Variants in SBF2 observed in about 807,000 individuals in gnomAD.
The protein encoded by SBF2 is SET binding factor 2, also known as myotubularin-related protein 13.
SBF2 carries 112 observed loss-of-function variants against 225.2 expected under a neutral mutation model. That is an observed-to-expected ratio of 0.50 (90% CI 0.43 to 0.58). The LOEUF (loss-of-function observed/expected upper bound fraction) is 0.58, where lower values mean the gene tolerates loss of function less well. Among genes scored for constraint, SBF2 ranks in the 20% least tolerant of loss-of-function variants. SBF2 has a pLI of 0.00. For synonymous variants in SBF2, 763 were observed against 773.3 expected (o/e 0.99, Z 0.22); for missense variants, 1,996 against 2,206.2 (o/e 0.90, Z 1.91).
chr11:10,014,391 A>T (rs1298658679), intron 6 of SBF2, among the ~76,000 whole-genome samples: 1 of 150,214 alleles, frequency 6.7e-6, no homozygotes, highest in Admixed American at 6.7e-5. Flanking sequence ...TCATATTTGT[A>T]TGTTCCTTCT....
In SBF2 at chr11:10,026,175, C is replaced by A. The variant is rs185459278; in HGVS notation, c.619+2277G>T. ...GTTACAACCTCCTCCTCTCCTCCCC[C>A]CTCACAACTCATGGTAAAACTAAGA... On this transcript the variant is annotated intron_variant, in intron 6 of 39. Transcript: ENST00000256190. 4.6e-5 allele frequency among the ~76,000 whole-genome samples: 7 copies of A among 152,166 alleles called. No individual in the cohort carries two copies. The South Asian group carries it at 1.2e-3, about 27-fold the overall frequency.
At chr11:10,171,945 G>A (rs1183094231) in intron 2 of SBF2, among the ~76,000 whole-genome samples, 2 of 152,240 alleles carry the variant, frequency 1.3e-5, no homozygotes, top group African/African-American at 4.8e-5. Flanking sequence ...GTTGGTCACA[G>A]TAGCCACTAA....
chr11:9,795,747 TG>T, intron 33 of SBF2, 83 bp downstream of exon 33: 1 of 1,498,682 alleles, frequency 6.7e-7, no homozygotes, highest in East Asian at 2.3e-5. Context: ...TTGTCAGTCT[TG>T]GGGATAGTTA....
intron 3 of SBF2, among the ~76,000 whole-genome samples, chr11:10,038,739 T>C (rs537815900): frequency 6.6e-6 from 1 of 151,940 alleles, no homozygotes; most frequent in East Asian, 1.9e-4. Context: ...CCTCTCTCTT[T>C]CTTTGATGAC....
At chr11:10,019,688 CT>C (rs1483954187) in intron 6 of SBF2, among the ~76,000 whole-genome samples, 1 of 151,346 alleles carries the variant, frequency 6.6e-6, no homozygotes, top group Non-Finnish European at 1.5e-5. Context: ...ATTTTTTCCC[CT>C]TATAAGTGAG....
chr11:10,029,780 C>T lies in SBF2; in HGVS notation c.498G>A (p.Ala166=), dbSNP rs1949187271. 13 of 1,611,986 alleles carry T rather than the reference C, an allele frequency of 8.1e-6. No homozygotes were observed. Among genetic ancestry groups the T allele is most frequent in the South Asian group, 5.5e-5 (5 of 91,042 alleles). ...TTCTATTTACCTGAGACCCTCCAGC[C>T]GCTGGGACAAGGCAGGCACAAAGGT... The part of the protein sequence containing the change: ...IANLCACLVP[A]AGGSQKLFSL... The change falls in exon 5 of 40, where the codon GCG becomes GCA. Residue 166 remains alanine (A), a synonymous_variant. Coordinates refer to ENST00000256190, the MANE Select transcript of SBF2 (RefSeq NM_030962.4).
chr11:10,000,919 C>A lies in SBF2; in HGVS notation c.856G>T (p.Glu286Ter). ...CTTTAAAGATGAATACTTACAAGTT[C>A]ATGGACATCAGTTTTAAAGACAGAA... Reference protein sequence around the residue: ...VHSVFKTDVHELLDVIIADLD... With the variant: ...VHSVFKTDVH The change falls in exon 8 of 40, where the codon GAA (glutamate) becomes TAA (stop). Residue 286 changes from glutamate to a stop codon, truncating the protein, a stop_gained. Transcript: ENST00000256190. LOFTEE classifies it high-confidence loss of function. The A allele has an allele frequency of 1.3e-6, 2 of 1,538,954 alleles. No individual in the cohort carries two copies. Among genetic ancestry groups the A allele is most frequent in the South Asian group, 2.2e-5 (2 of 89,522 alleles).
chr11:10,277,770 G>GTT (rs755714627), intron 1 of SBF2, among the ~76,000 whole-genome samples: 1 of 152,176 alleles, frequency 6.6e-6, no homozygotes, highest in Non-Finnish European at 1.5e-5. Context: ...AGAGATCAGA[G>GTT]TTATGCTACC....
intron 2 of SBF2, among the ~76,000 whole-genome samples, chr11:10,061,152 TC>T (rs1334912763): frequency 6.6e-6 from 1 of 152,040 alleles, no homozygotes; most frequent in Non-Finnish European, 1.5e-5. Flanking sequence ...AAATTAAATA[TC>T]CCTTCACGTT....
chr11:9,874,030 G>C (rs1293172312), intron 17 of SBF2, among the ~76,000 whole-genome samples: 3 of 148,302 alleles, frequency 2.0e-5, no homozygotes, highest in African/African-American at 7.5e-5. Context: ...CTACACTCCA[G>C]TCTGGGAGAC....
chr11:10,004,515 G>T (rs563968308), intron 6 of SBF2, among the ~76,000 whole-genome samples: 1 of 144,892 alleles, frequency 6.9e-6, no homozygotes, highest in South Asian at 2.2e-4. Context: ...AGTCAAGCTA[G>T]GAACTGCACC....
At chr11:10,077,429 A>T (rs935551540) in intron 2 of SBF2, among the ~76,000 whole-genome samples, 4 of 152,278 alleles carry the variant, frequency 2.6e-5, no homozygotes, top group Middle Eastern at 3.4e-3. Context: ...TAACCAAAAT[A>T]ATATGGTACT....
intron 1 of SBF2, among the ~76,000 whole-genome samples, chr11:10,246,260 A>C (rs1959780046): frequency 6.6e-6 from 1 of 152,146 alleles, no homozygotes. Context: ...TATACATTAA[A>C]TATGCACAGG....
intron 27 of SBF2, among the ~76,000 whole-genome samples, chr11:9,830,731 C>T (rs1249574532): frequency 7.1e-6 from 1 of 141,682 alleles, no homozygotes. Flanking sequence ...CAGAGCAAGA[C>T]TCCAGCTCAA....
intron 1 of SBF2, among the ~76,000 whole-genome samples, chr11:10,200,098 C>T (rs768562379): frequency 6.6e-6 from 1 of 152,044 alleles, no homozygotes; most frequent in African/African-American, 2.4e-5. Context: ...TGTGACCTAT[C>T]ATGGGAGGTT....
At chr11:10,175,656 G>A (rs1030316197) in intron 2 of SBF2, among the ~76,000 whole-genome samples, 11 of 150,362 alleles carry the variant, frequency 7.3e-5, no homozygotes, top group South Asian at 2.1e-4. Flanking sequence ...TCTGCACCAA[G>A]CGGACCTAAC....
At chr11:9,940,750 T>C (rs1865205707) in intron 16 of SBF2, among the ~76,000 whole-genome samples, 1 of 152,072 alleles carries the variant, frequency 6.6e-6, no homozygotes, top group Non-Finnish European at 1.5e-5. Context: ...TCAGAAAATT[T>C]GGGAACCTCT....
At chr11:9,784,990 C>CA in intron 37 of SBF2, 135 bp downstream of exon 37, 1 of 831,088 alleles carries the variant, frequency 1.2e-6, no homozygotes, top group Non-Finnish European at 2.0e-6. Flanking sequence ...TAAAACATTA[C>CA]AAAAATTAAA....
At chr11:10,141,933 A>T (rs1954666921) in intron 2 of SBF2, among the ~76,000 whole-genome samples, 1 of 152,186 alleles carries the variant, frequency 6.6e-6, no homozygotes, top group Non-Finnish European at 1.5e-5. Flanking sequence ...GGATAGTAAG[A>T]ACAGAAGTAA....
Sources: gnomAD v4.1 joint callset for allele counts (sites outside exome capture counted in the v4.1 genomes callset) on GRCh38, gnomAD v4.1.1 for gene constraint, MANE v1.5 for transcripts, NCBI Gene and HGNC (gene_info 2026-07-23, HGNC 2026-07-21) for gene names.